Variants in OCA2 observed in about 807,000 individuals in gnomAD.
OCA2 encodes OCA2 melanosomal transmembrane protein, also known as P protein.
Under a neutral mutation model 100.2 loss-of-function variants are expected in OCA2, and 77 were observed. That is an observed-to-expected ratio of 0.77 (90% CI 0.64 to 0.93). The LOEUF (loss-of-function observed/expected upper bound fraction) is 0.93. Ranked by LOEUF, OCA2 falls within the 40% of genes least tolerant of loss-of-function variation. The pLI, the probability that OCA2 is intolerant of heterozygous loss-of-function variation, is 0.00. For synonymous variants in OCA2, 432 were observed against 439.2 expected, an observed-to-expected ratio of 0.98 and a Z score of 0.21; for missense variants, 1,062 against 1,089.1, an observed-to-expected ratio of 0.98 and a Z score of 0.35.
chr15:28,011,624 G>GA (rs987799831), intron 9 of OCA2, among the ~76,000 whole-genome samples: 2 of 151,822 alleles, frequency 1.3e-5, no homozygotes, highest in East Asian at 1.9e-4. Context: ...ATCTATAACA[G>GA]AAAAAAACTG....
chr15:27,975,296 A>T (rs150473306), intron 14 of OCA2, among the ~76,000 whole-genome samples: 8 of 152,342 alleles, frequency 5.3e-5, no homozygotes, highest in South Asian at 2.1e-4. Flanking sequence ...GAAGAAAAAA[A>T]AATAAGTTGA....
At chr15:27,800,370 A>T (rs2033544461) in intron 23 of OCA2, among the ~76,000 whole-genome samples, 1 of 152,124 alleles carries the variant, frequency 6.6e-6, no homozygotes, top group Non-Finnish European at 1.5e-5. Flanking sequence ...AATGAAATTT[A>T]AAAAAACACA....
At chr15:27,856,311 A>G (rs2035946671) in intron 21 of OCA2, among the ~76,000 whole-genome samples, 1 of 152,152 alleles carries the variant, frequency 6.6e-6, no homozygotes, top group Admixed American at 6.5e-5. Flanking sequence ...TGTTTTGGGG[A>G]GACAATTCAA....
At chr15:27,803,777 A>C (rs1047952619) in intron 23 of OCA2, among the ~76,000 whole-genome samples, 1 of 152,252 alleles carries the variant, frequency 6.6e-6, no homozygotes, top group Non-Finnish European at 1.5e-5. Flanking sequence ...AAACAGTGAG[A>C]TAGCATTCAC....
At chr15:27,932,615 G>A (rs1244784957) in intron 18 of OCA2, among the ~76,000 whole-genome samples, 1 of 152,150 alleles carries the variant, frequency 6.6e-6, no homozygotes, top group Non-Finnish European at 1.5e-5. Flanking sequence ...GTGCAAGCCT[G>A]GCTAAGTTTT....
At chr15:27,912,536 G>A (rs570698808) in intron 19 of OCA2, among the ~76,000 whole-genome samples, 8 of 152,164 alleles carry the variant, frequency 5.3e-5, no homozygotes, top group Non-Finnish European at 8.8e-5. Context: ...CAATAGTACC[G>A]ACTTACAACA....
At position 28,031,650 on chromosome 15, in the gene OCA2, T is replaced by C. The variant is rs1329022770; in HGVS notation, c.326+415A>G. Reference sequence around the variant, plus strand: ...GACATTTGTGCTGGATAATTCTTTGTGGTGGGGGCTGTCCTGTGCATTGCA... The same window carrying C: ...GACATTTGTGCTGGATAATTCTTTGCGGTGGGGGCTGTCCTGTGCATTGCA... On this transcript the variant is annotated intron_variant, in intron 3 of 23. Transcript: ENST00000354638. Among the ~76,000 whole-genome samples, 4 of 152,230 alleles carry C rather than the reference T, an allele frequency of 2.6e-5. No homozygotes were observed. In the South Asian group the frequency reaches 8.3e-4, roughly 32 times the overall value.
Position 27,957,811 on chromosome 15 carries a change from C to T in OCA2, c.1637-76G>A. 6.5e-7 allele frequency: 1 copy of T among 1,549,472 alleles called. No homozygotes were observed. Among genetic ancestry groups the T allele is most frequent in the Non-Finnish European group, 8.9e-7 (1 of 1,128,600 alleles). On this transcript the variant is annotated intron_variant, in intron 15 of 23. Transcript: ENST00000354638. The surrounding 1 kb of genome is among the most constrained non-coding windows in gnomAD (Gnocchi z 4.3). ...GCAACACCCTCCTCTGTTCCCCACA[C>T]AGTCGATGCCTGACAGAGCAGACAC...
chr15:27,878,061 T>C (rs2036863571), intron 19 of OCA2, among the ~76,000 whole-genome samples: 2 of 151,712 alleles, frequency 1.3e-5, no homozygotes, highest in South Asian at 4.1e-4. Context: ...AAAATATACA[T>C]ACATAACTTC....
Position 28,032,062 on chromosome 15 carries a change from C to T in OCA2, c.326+3G>A, listed in dbSNP as rs892079557. On this transcript the variant is annotated splice_donor_region_variant and intron_variant, in intron 3 of 23. Transcript: ENST00000354638. ...CTTTCATATGAGGGGGAAAATATCT[C>T]ACCCTTTCTCCTGTAAGGAATTCCT... 1 of 1,607,118 alleles carries T rather than the reference C, an allele frequency of 6.2e-7. No individual in the cohort carries two copies.
chr15:27,720,620 T>C, the OCA2 span, among the ~76,000 whole-genome samples: 1 of 151,892 alleles, frequency 6.6e-6, no homozygotes, highest in Non-Finnish European at 1.5e-5. Flanking sequence ...ATACTTATCA[T>C]TTTATTAATA....
intron 23 of OCA2, among the ~76,000 whole-genome samples, chr15:27,770,915 C>CCTCCCTCTTTTTTCTTCCTTCCT (rs2031753456): frequency 1.8e-5 from 2 of 111,452 alleles, no homozygotes; most frequent in Admixed American, 8.8e-5. Context: ...TCCTTCCCTC[C>CCTCCCTCTTTTTTCTTCCTTCCT]TCCCTCCCTC....
Position 27,851,402 on chromosome 15 carries a change from G to C in OCA2, c.2318C>G (p.Ala773Gly), listed in dbSNP as rs1473065693. Residue 773 changes from alanine (A) to glycine (G), a missense_variant, in exon 22 of 24, where the codon GCC becomes GGC. Coordinates refer to ENST00000354638, the MANE Select transcript of OCA2 (RefSeq NM_000275.3). ...CTTACCTCCCAGGCAAGCACCGAAG[G>C]CCAGGGCATACATGAGCGGCGGTGC... is the stretch of plus-strand genomic sequence containing the variant. ...LPAPPLMYAL[A>G]FGACLGGNGT... The C allele has an allele frequency of 6.2e-7, 1 of 1,613,976 alleles. No homozygotes were observed. The highest frequency in any genetic ancestry group is 1.1e-5 in the South Asian group (1 of 91,012).
intron 23 of OCA2, among the ~76,000 whole-genome samples, chr15:27,802,165 A>C (rs891561448): frequency 2.0e-5 from 3 of 152,224 alleles, no homozygotes; most frequent in Admixed American, 6.5e-5. Context: ...AGCAATGAAG[A>C]TCAGGAATTA....
intron 19 of OCA2, among the ~76,000 whole-genome samples, chr15:27,891,575 A>T (rs1881863253): frequency 6.6e-6 from 1 of 152,202 alleles, no homozygotes; most frequent in South Asian, 2.1e-4. Flanking sequence ...TGATCCCTAG[A>T]TTACTTATAG....
chr15:28,027,957 C>G lies in OCA2; in HGVS notation c.429G>C (p.Glu143Asp). The G allele has an allele frequency of 3.7e-6, 6 of 1,614,196 alleles. No individual in the cohort carries two copies. The highest frequency in any genetic ancestry group is 5.1e-6 in the Non-Finnish European group (6 of 1,180,042). Residue 143 changes from glutamate (E) to aspartate (D), a missense_variant, in exon 4 of 24, where the codon GAG becomes GAC. Transcript: ENST00000354638. ...DWERRYLLSR[E>D]VSGLSASASS... is the part of the protein sequence containing the mutation. ...AGGCAGATGCAGACAGACCAGACAC[C>G]TCCCTGCTTAGCAGGTATCTTCGCT...
chr15:27,953,417 C>T (rs750780627), intron 17 of OCA2, among the ~76,000 whole-genome samples: 1 of 152,124 alleles, frequency 6.6e-6, no homozygotes, highest in African/African-American at 2.4e-5. Context: ...TCTTCCCTGT[C>T]GCCTCTCTGG....
intron 2 of OCA2, among the ~76,000 whole-genome samples, chr15:28,062,385 T>A (rs2043900422): frequency 6.6e-6 from 1 of 152,234 alleles, no homozygotes; most frequent in Non-Finnish European, 1.5e-5. Flanking sequence ...AATGCCTATT[T>A]AAATATTTTG....
chr15:27,756,721 G>A (rs779294744), intron 23 of OCA2, among the ~76,000 whole-genome samples: 53 of 152,002 alleles, frequency 3.5e-4, no homozygotes, highest in Admixed American at 7.2e-4. Context: ...ATTGTGTAGA[G>A]TGAGTCAGTG....
Sources: gnomAD v4.1 joint callset for allele counts (sites outside exome capture counted in the v4.1 genomes callset) on GRCh38, gnomAD v4.1.1 for gene constraint, Gnocchi (gnomAD v3.1) non-coding constraint, MANE v1.5 for transcripts, NCBI Gene and HGNC (gene_info 2026-07-23, HGNC 2026-07-21) for gene names.